SPRED2: variants seen among roughly 807,000 people sequenced by gnomAD.
The protein encoded by SPRED2 is sprouty-related, EVH1 domain-containing protein 2.
Under a neutral mutation model 43.0 loss-of-function variants are expected in SPRED2, and 47 were observed. The observed-to-expected ratio is 1.09, with a 90% CI of 0.87 to 1.40. The LOEUF is 1.40. Ranked by LOEUF, SPRED2 falls within the 40% of genes most tolerant of loss-of-function variation. SPRED2 has a pLI of 0.00. For missense variants in SPRED2, 561 were observed against 586.4 expected, an observed-to-expected ratio of 0.96 and a Z score of 0.45; for synonymous variants, 225 against 225.7, an observed-to-expected ratio of 1.00 and a Z score of 0.03.
At chr2:65,322,764 G>T (rs184042941) in intron 4 of SPRED2, among the ~76,000 whole-genome samples, 45 of 152,244 alleles carry the variant, frequency 3.0e-4, no homozygotes, top group African/African-American at 9.4e-4. Context: ...GGTAATTGGA[G>T]TGATTATAAA....
intron 4 of SPRED2, among the ~76,000 whole-genome samples, chr2:65,326,557 CT>C (rs1213154111): frequency 6.6e-6 from 1 of 152,148 alleles, no homozygotes; most frequent in Non-Finnish European, 1.5e-5. Flanking sequence ...GCTGGTGGGG[CT>C]TTGGGGGAGA....
intron 1 of SPRED2, among the ~76,000 whole-genome samples, chr2:65,368,761 A>G (rs942865096): frequency 3.9e-5 from 6 of 152,200 alleles, no homozygotes; most frequent in Admixed American, 3.9e-4. Flanking sequence ...AGGAATGAAT[A>G]TATATAACCC....
At chr2:65,369,076 C>CA (rs35695479) in intron 1 of SPRED2, among the ~76,000 whole-genome samples, 48,467 of 150,576 alleles carry the variant, frequency 0.32, 9,585 homozygotes, top group East Asian at 0.78. Flanking sequence ...GACCATGTCT[C>CA]AAAAAAAAAT....
intron 1 of SPRED2, among the ~76,000 whole-genome samples, chr2:65,354,425 C>T (rs1320104765): frequency 3.3e-5 from 5 of 152,106 alleles, no homozygotes; most frequent in Non-Finnish European, 7.3e-5. Flanking sequence ...AGACTCACTG[C>T]ATTGTACTGT....
At chr2:65,387,648 T>A (rs886899863) in intron 1 of SPRED2, among the ~76,000 whole-genome samples, 1 of 152,152 alleles carries the variant, frequency 6.6e-6, no homozygotes, top group Non-Finnish European at 1.5e-5. Context: ...AAAACAAATT[T>A]AAAAATTTAA....
At chr2:65,368,770 C>A (rs542195827) in intron 1 of SPRED2, among the ~76,000 whole-genome samples, 1 of 152,124 alleles carries the variant, frequency 6.6e-6, no homozygotes, top group African/African-American at 2.4e-5. Context: ...TATATATAAC[C>A]CCTATTCCTA....
chr2:65,374,224 G>A (rs2104345568), intron 1 of SPRED2: 1 of 152,204 alleles, frequency 6.6e-6, no homozygotes, highest in East Asian at 1.9e-4. Flanking sequence ...TAATTTATGG[G>A]GTTCACACCT....
rs764165302 is a variant in SPRED2 at position 65,344,847 on chromosome 2, A to G, written c.76T>C (p.Ser26Pro). 1 of 1,614,126 alleles carries G rather than the reference A, an allele frequency of 6.2e-7. No homozygotes were observed. The highest frequency in any genetic ancestry group is 1.1e-5 in the South Asian group (1 of 91,088). The change falls in exon 2 of 6, where the codon TCC becomes CCC. Residue 26 changes from serine to proline, a missense_variant. Ser to Pro is a moderately conservative substitution (Grantham distance 74). This residue lies in a region of SPRED2 where 305 missense variants were observed against 282.4 expected (regional missense o/e 1.08). Transcript: ENST00000356388. Reference protein sequence around the residue: ...VKAVVMTRDDSSGGWFPQEGG... With the variant: ...VKAVVMTRDDPSGGWFPQEGG... ...TCCTGTGGGAACCATCCCCCGCTGG[A>G]GTCATCTCTGGTCATAACCACAGCC...
chr2:65,342,307 T>C (rs1348997078), intron 2 of SPRED2, among the ~76,000 whole-genome samples: 2 of 145,620 alleles, frequency 1.4e-5, no homozygotes, highest in East Asian at 3.9e-4. Flanking sequence ...TTTGTATACG[T>C]ATATTATGTA....
At chr2:65,420,839 T>G (rs1216494793) in intron 1 of SPRED2, among the ~76,000 whole-genome samples, 1 of 152,182 alleles carries the variant, frequency 6.6e-6, no homozygotes, top group African/African-American at 2.4e-5. Context: ...AGGACCACAA[T>G]ACAATCAAAT....
intron 1 of SPRED2, among the ~76,000 whole-genome samples, chr2:65,411,359 T>C (rs1008840647): frequency 3.3e-5 from 5 of 152,180 alleles, no homozygotes; most frequent in African/African-American, 7.2e-5. Flanking sequence ...GGGAGGGCGA[T>C]TGAATTGGTT....
At chr2:65,363,256 AAAAAAAT>A (rs1377228316) in intron 1 of SPRED2, among the ~76,000 whole-genome samples, 2 of 151,798 alleles carry the variant, frequency 1.3e-5, no homozygotes, top group Non-Finnish European at 1.5e-5. Context: ...AAAAAAAAAA[AAAAAAAT>A]TCCAACTGGG....
Position 65,334,708 on chromosome 2 carries a change from G to C in SPRED2, c.270C>G (p.His90Gln). The stretch of plus-strand genomic sequence containing the variant: ...CAAACTTCCTATTATCGACCTTCCA[G>C]TGATGAAACGTTGGATTGGCTTTGG... ...VYTKANPTFH[H>Q]WKVDNRKFGL... Residue 90 changes from histidine (H) to glutamine (Q), a missense_variant, in exon 3 of 6, where the codon CAC becomes CAG. By Grantham distance (24) the His-to-Gln change is conservative (BLOSUM62 0). Transcript: ENST00000356388. 3 of 1,614,218 alleles carry C rather than the reference G, an allele frequency of 1.9e-6. No individual in the cohort carries two copies. The highest frequency in any genetic ancestry group is 2.5e-6 in the Non-Finnish European group (3 of 1,180,040).
At chr2:65,417,772 A>ATTT (rs1676322885) in intron 1 of SPRED2, among the ~76,000 whole-genome samples, 2 of 152,174 alleles carry the variant, frequency 1.3e-5, no homozygotes, top group Non-Finnish European at 2.9e-5. Flanking sequence ...AAAAAGAGGG[A>ATTT]GCTGAGCTCG....
intron 1 of SPRED2, among the ~76,000 whole-genome samples, chr2:65,414,405 C>G (rs1014645555): frequency 6.6e-6 from 1 of 152,092 alleles, no homozygotes; most frequent in Non-Finnish European, 1.5e-5. Context: ...GGAGTATCAT[C>G]GCCTATCATC....
At chr2:65,308,211 G>A (rs1336889389), downstream of SPRED2, 1 of 759,230 alleles carries the variant, frequency 1.3e-6, no homozygotes, top group Non-Finnish European at 1.6e-6. Flanking sequence ...CGGGGTGGGA[G>A]GTTCAGGCAG....
rs372546778 is a variant in SPRED2 at position 65,432,003 on chromosome 2, G to A, written c.-16C>T. The A allele has an allele frequency of 3.7e-6, 6 of 1,613,800 alleles. No individual in the cohort carries two copies. Among genetic ancestry groups the A allele is most frequent in the Non-Finnish European group, 5.1e-6 (6 of 1,179,962 alleles). ...CTTCGGTCATTTTCTTGTTCACCTA[G>A]ACGCCTGTCCCGCGGCGGGCAGCTT... On this transcript the variant is annotated 5_prime_UTR_variant, in exon 1 of 6. Coordinates refer to ENST00000356388, the MANE Select transcript of SPRED2 (RefSeq NM_181784.3).
At chr2:65,365,739 A>AT (rs1674952205) in intron 1 of SPRED2, among the ~76,000 whole-genome samples, 1 of 152,234 alleles carries the variant, frequency 6.6e-6, no homozygotes, top group African/African-American at 2.4e-5. Context: ...CTCACAAAGT[A>AT]TTTTTTTAAA....
intron 4 of SPRED2, among the ~76,000 whole-genome samples, 197 bp downstream of exon 4, chr2:65,331,790 A>G (rs1273448262): frequency 6.6e-6 from 1 of 152,224 alleles, no homozygotes; most frequent in African/African-American, 2.4e-5. Flanking sequence ...GCAGATGTGC[A>G]GTGTTGCTCA....
Sources: allele counts gnomAD v4.1 joint callset (sites outside exome capture counted in the v4.1 genomes callset), GRCh38; gene constraint gnomAD v4.1.1; regional missense constraint gnomAD v4.1.1; transcripts MANE v1.5; gene names NCBI Gene and HGNC (gene_info 2026-07-23, HGNC 2026-07-21).